KSR2: variants seen among roughly 807,000 people sequenced by gnomAD.
KSR2 encodes kinase suppressor of ras 2.
KSR2 carries 25 observed loss-of-function variants against 107.8 expected under a neutral mutation model. That is an observed-to-expected ratio of 0.23 (90% CI 0.17 to 0.32). The LOEUF is 0.32. KSR2 is among the 10% of genes least tolerant of loss of function. The pLI, the probability that KSR2 is intolerant of heterozygous loss-of-function variation, is 1.00. For synonymous variants in KSR2, 480 were observed against 507.0 expected, an observed-to-expected ratio of 0.95 and a Z score of 0.71; for missense variants, 887 against 1,268.9, an observed-to-expected ratio of 0.70 and a Z score of 4.57.
chr12:117,731,356 C>A (rs575730012), intron 4 of KSR2, among the ~76,000 whole-genome samples: 1 of 147,974 alleles, frequency 6.8e-6, no homozygotes, highest in Non-Finnish European at 1.5e-5. Context: ...GCCCAGCAGC[C>A]GCCCTGTCTG....
chr12:117,898,940 T>C (rs1894598196), intron 1 of KSR2, among the ~76,000 whole-genome samples: 1 of 152,206 alleles, frequency 6.6e-6, no homozygotes, highest in Non-Finnish European at 1.5e-5. Context: ...AATTCCTACT[T>C]GGAGGCAGGG....
At chr12:117,573,911 C>T (rs1435020563) in intron 7 of KSR2, among the ~76,000 whole-genome samples, 1 of 152,120 alleles carries the variant, frequency 6.6e-6, no homozygotes, top group Non-Finnish European at 1.5e-5. Flanking sequence ...GAAAAAGATT[C>T]CTATCTATAG....
chr12:117,833,590 A>G (rs1024134317), intron 3 of KSR2, among the ~76,000 whole-genome samples: 6 of 152,096 alleles, frequency 3.9e-5, no homozygotes, highest in African/African-American at 1.2e-4. Flanking sequence ...CTTGAACTTC[A>G]GCCTCAAGCA....
intron 5 of KSR2, among the ~76,000 whole-genome samples, chr12:117,606,140 T>C (rs370168622): frequency 6.6e-6 from 1 of 152,094 alleles, no homozygotes; most frequent in Non-Finnish European, 1.5e-5. Flanking sequence ...CAGGAATGGA[T>C]AGGTGAAAGT....
intron 1 of KSR2, among the ~76,000 whole-genome samples, chr12:117,860,711 T>C (rs2137246049): frequency 1.3e-5 from 2 of 152,206 alleles, no homozygotes; most frequent in South Asian, 4.2e-4. Flanking sequence ...CACACATCTT[T>C]TTCTGTTTTT....
intron 4 of KSR2, among the ~76,000 whole-genome samples, chr12:117,669,013 G>A (rs1884790111): frequency 6.6e-6 from 1 of 152,126 alleles, no homozygotes; most frequent in Non-Finnish European, 1.5e-5. Flanking sequence ...TTGATCCATG[G>A]CCAGTTATAG....
chr12:117,777,260 A>C (rs1475814157), intron 3 of KSR2, among the ~76,000 whole-genome samples: 1 of 151,352 alleles, frequency 6.6e-6, no homozygotes. Context: ...AAGAATATCT[A>C]ACACAGGTAT....
chr12:117,776,161 C>G (rs1313076158), intron 3 of KSR2, among the ~76,000 whole-genome samples: 2 of 152,074 alleles, frequency 1.3e-5, no homozygotes, highest in African/African-American at 4.8e-5. Flanking sequence ...ATCCATCCAG[C>G]CCCAACCCCA....
chr12:117,527,290 C>T (rs1034237608), intron 12 of KSR2, among the ~76,000 whole-genome samples, 171 bp from the exon 13 acceptor site: 1 of 79,458 alleles, frequency 1.3e-5, no homozygotes, highest in Non-Finnish European at 2.9e-5. Context: ...GACACACACA[C>T]ACACACACAC....
At chr12:117,542,375 G>A (rs1019959324) in intron 9 of KSR2, among the ~76,000 whole-genome samples, 1 of 152,094 alleles carries the variant, frequency 6.6e-6, no homozygotes, top group Non-Finnish European at 1.5e-5. Flanking sequence ...TGAGATCATT[G>A]TGGATTCACA....
intron 3 of KSR2, among the ~76,000 whole-genome samples, chr12:117,853,263 A>C (rs898564807): frequency 5.3e-5 from 8 of 152,238 alleles, no homozygotes; most frequent in African/African-American, 1.9e-4. Context: ...TTGGTTGAAT[A>C]AATTGTTAGT....
intron 1 of KSR2, among the ~76,000 whole-genome samples, chr12:117,945,033 G>A (rs573280095): frequency 6.6e-6 from 1 of 152,122 alleles, no homozygotes; most frequent in African/African-American, 2.4e-5. Context: ...CATCCTAAAT[G>A]TGTACACACT....
rs1425972491 is a variant in KSR2, at chr12:117,454,706, C to T, written c.*12493G>A. On this transcript the variant is annotated 3_prime_UTR_variant, in exon 20 of 20. Transcript: ENST00000339824. The stretch of plus-strand genomic sequence containing the variant: ...TTTCCACGTTCACACATGTCCTTGA[C>T]CTCAACACTTCAGGGGCCTATTCAT... 1 of 152,176 alleles carries T rather than the reference C, an allele frequency of 6.6e-6. No homozygotes were observed. Among genetic ancestry groups the T allele is most frequent in the African/African-American group, 2.4e-5 (1 of 41,422 alleles). The allele number at this position is 152,176 out of a possible 1,614,324, so 9.4% of individuals were successfully genotyped here.
At chr12:117,538,146 C>T (rs1002060761) in intron 10 of KSR2, among the ~76,000 whole-genome samples, 1 of 151,272 alleles carries the variant, frequency 6.6e-6, no homozygotes, top group African/African-American at 2.4e-5. Context: ...TAAAAATGAA[C>T]AACCCTGGAG....
chr12:117,826,904 G>T (rs976491058), intron 3 of KSR2, among the ~76,000 whole-genome samples: 1 of 151,942 alleles, frequency 6.6e-6, no homozygotes, highest in Non-Finnish European at 1.5e-5. Flanking sequence ...TGGGTAACAT[G>T]GTGAACCCCA....
intron 1 of KSR2, among the ~76,000 whole-genome samples, chr12:117,879,085 G>A (rs866277118): frequency 1.3e-5 from 2 of 151,974 alleles, no homozygotes; most frequent in African/African-American, 4.8e-5. Flanking sequence ...AAAAAAATTC[G>A]TTAGAATTTA....
intron 14 of KSR2, among the ~76,000 whole-genome samples, chr12:117,505,619 C>T (rs1873633692): frequency 1.3e-5 from 2 of 152,158 alleles, no homozygotes; most frequent in African/African-American, 4.8e-5. Flanking sequence ...TAGCACCTGA[C>T]AAGGCTCAAC....
At chr12:117,774,449 G>C (rs534126515) in intron 3 of KSR2, among the ~76,000 whole-genome samples, 157 of 152,268 alleles carry the variant, frequency 1.0e-3, no homozygotes, top group African/African-American at 3.3e-3. Flanking sequence ...ATGTCCCCAG[G>C]TAGAACCAAA....
intron 5 of KSR2, among the ~76,000 whole-genome samples, chr12:117,659,619 A>C (rs1443432324): frequency 6.6e-6 from 1 of 151,930 alleles, no homozygotes; most frequent in African/African-American, 2.4e-5. Flanking sequence ...GCATCAGGAG[A>C]CTCAGGTTCA....
Sources: gnomAD v4.1 joint callset for allele counts (sites outside exome capture counted in the v4.1 genomes callset) on GRCh38, gnomAD v4.1.1 for gene constraint, MANE v1.5 for transcripts, NCBI Gene and HGNC (gene_info 2026-07-23, HGNC 2026-07-21) for gene names.